The following MORN5 variants were observed in gnomAD, a reference collection of about 807,000 sequenced individuals.
The protein encoded by MORN5 is MORN repeat-containing protein 5.
A neutral mutation model predicts 22.1 loss-of-function variants in MORN5; 21 were observed. The observed-to-expected ratio is 0.95, with a 90% CI of 0.67 to 1.37. The LOEUF is 1.37. Among genes scored for constraint, MORN5 ranks in the 40% most tolerant of loss-of-function variants. MORN5 has a pLI of 0.00. For synonymous variants in MORN5, 73 were observed against 74.0 expected, an observed-to-expected ratio of 0.99 and a Z score of 0.07; for missense variants, 211 against 215.1, an observed-to-expected ratio of 0.98 and a Z score of 0.12.
rs7466389 is a variant in MORN5, at chr9:122,166,882, C to G, written c.162C>G (p.Tyr54Ter). The change falls in exon 2 of 5, where the codon TAC becomes TAG. Residue 54 changes from tyrosine to a stop codon, truncating the protein, a stop_gained. Transcript: ENST00000373764. LOFTEE classifies it high-confidence loss of function. Reference protein sequence around the residue: ...GTLYFPSGSQYDAIWENGLAI... With the variant: ...GTLYFPSGSQ ...TGTACTTCCCCAGCGGAAGCCAATA[C>G]GACGCCATTTGGGAAAACGGATTGG... 1.2e-6 allele frequency: 2 copies of G among 1,613,746 alleles called. No individual in the cohort carries two copies. The highest frequency in any genetic ancestry group is 2.2e-5 in the East Asian group (1 of 44,854).
At chr9:122,196,383 G>C (rs1227959253) in intron 4 of MORN5, among the ~76,000 whole-genome samples, 2 of 150,092 alleles carry the variant, frequency 1.3e-5, no homozygotes, top group African/African-American at 4.9e-5. Context: ...CACCATGCTG[G>C]AGGGCAGTGG....
chr9:122,176,117 CA>C (rs747126842), intron 4 of MORN5, among the ~76,000 whole-genome samples: 152 of 51,380 alleles, frequency 3.0e-3, no homozygotes, highest in Middle Eastern at 9.4e-3. Flanking sequence ...GACTCCGTCT[CA>C]AAAAAAAAAA....
At chr9:122,166,191 T>C (rs1449745565) in intron 1 of MORN5, among the ~76,000 whole-genome samples, 4 of 151,794 alleles carry the variant, frequency 2.6e-5, no homozygotes, top group Non-Finnish European at 5.9e-5. Context: ...TCCCACTGAG[T>C]CCCTCCCATG....
intron 4 of MORN5, 151 bp downstream of exon 4, chr9:122,174,778 G>A (rs1588305153): frequency 1.3e-6 from 2 of 1,529,634 alleles, no homozygotes; most frequent in Non-Finnish European, 1.8e-6. Context: ...TTATTTTTTG[G>A]ACTTCTCGTG....
At chr9:122,167,016 T>G in intron 2 of MORN5, 101 bp downstream of exon 2, 1 of 1,145,386 alleles carries the variant, frequency 8.7e-7, no homozygotes, top group Non-Finnish European at 1.2e-6. Flanking sequence ...CCCACCTTGT[T>G]CCATTCACTC....
At chr9:122,188,623 G>A (rs1829694129) in intron 4 of MORN5, among the ~76,000 whole-genome samples, 1 of 152,240 alleles carries the variant, frequency 6.6e-6, no homozygotes, top group Admixed American at 6.5e-5. Context: ...GAGTGACCTT[G>A]GCCATGGCAC....
intron 2 of MORN5, among the ~76,000 whole-genome samples, chr9:122,169,245 C>G (rs1048126240): frequency 1.1e-4 from 17 of 152,194 alleles, no homozygotes; most frequent in Non-Finnish European, 1.8e-4. Context: ...TCTGGGCATC[C>G]CTTTCACTTA....
At chr9:122,180,995 A>G (rs960222210) in intron 4 of MORN5, among the ~76,000 whole-genome samples, 1 of 152,252 alleles carries the variant, frequency 6.6e-6, no homozygotes, top group African/African-American at 2.4e-5. Flanking sequence ...GGTCCCTCGT[A>G]TTGTTCAACT....
chr9:122,191,885 G>T (rs780665366), intron 4 of MORN5, among the ~76,000 whole-genome samples: 25 of 152,226 alleles, frequency 1.6e-4, no homozygotes, highest in Non-Finnish European at 2.5e-4. Context: ...CTCCATCCTG[G>T]CAGGGAACCA....
intron 3 of MORN5, among the ~76,000 whole-genome samples, chr9:122,171,723 C>T (rs1294999227): frequency 6.6e-6 from 1 of 152,074 alleles, no homozygotes; most frequent in Non-Finnish European, 1.5e-5. Context: ...TCCCCTGCCC[C>T]CTAAGTGCAA....
chr9:122,175,473 T>G, intron 4 of MORN5: 1 of 985,368 alleles, frequency 1.0e-6, no homozygotes, highest in Non-Finnish European at 1.2e-6. Flanking sequence ...ATAGAACATT[T>G]TCCTTTAATG....
chr9:122,174,773 T>G, intron 4 of MORN5, 146 bp downstream of exon 4: 1 of 1,552,222 alleles, frequency 6.4e-7, no homozygotes, highest in South Asian at 1.2e-5. Flanking sequence ...ATGTTTTATT[T>G]TTTGGACTTC....
intron 4 of MORN5, among the ~76,000 whole-genome samples, chr9:122,176,926 G>C (rs1829460450): frequency 1.3e-5 from 2 of 152,170 alleles, no homozygotes; most frequent in African/African-American, 4.8e-5. Flanking sequence ...GAAATTGATG[G>C]CTACCAGGGA....
intron 4 of MORN5, among the ~76,000 whole-genome samples, chr9:122,193,176 CA>C (rs1424645862): frequency 6.6e-6 from 1 of 152,160 alleles, no homozygotes; most frequent in Non-Finnish European, 1.5e-5. Flanking sequence ...TCAGACAACT[CA>C]AAATTCACAC....
chr9:122,193,138 C>G (rs1829808123), intron 4 of MORN5, among the ~76,000 whole-genome samples: 1 of 152,120 alleles, frequency 6.6e-6, no homozygotes, highest in Admixed American at 6.5e-5. Context: ...TTCATGGGGC[C>G]TTTAAGTATG....
At chr9:122,181,182 C>T (rs1220129436) in intron 4 of MORN5, among the ~76,000 whole-genome samples, 2 of 152,218 alleles carry the variant, frequency 1.3e-5, no homozygotes, top group African/African-American at 2.4e-5. Flanking sequence ...TTGGTTGGTC[C>T]AATTCTTGAA....
At position 122,193,367 on chromosome 9, in the gene MORN5, G is replaced by A. The variant is rs576959652; in HGVS notation, c.440-6518G>A. ...TGTGGGAAGCCAAGGCGGGTGGATC[G>A]TGAGGTCAAGAGATCGAGAACATCC... is the stretch of plus-strand genomic sequence containing the variant. On this transcript the variant is annotated intron_variant, in intron 4 of 4. Coordinates refer to ENST00000373764, the MANE Select transcript of MORN5 (RefSeq NM_198469.4). Among the ~76,000 whole-genome samples the A allele has an allele frequency of 2.2e-3, 330 of 152,330 alleles. 2 individuals carry two copies. Among genetic ancestry groups the A allele is most frequent in the African/African-American group, 7.4e-3 (307 of 41,580 alleles).
intron 4 of MORN5, among the ~76,000 whole-genome samples, chr9:122,184,675 T>C (rs895251053): frequency 2.0e-5 from 3 of 152,226 alleles, no homozygotes; most frequent in African/African-American, 4.8e-5. Flanking sequence ...GCCCTTTACA[T>C]ATATTTTATT....
At chr9:122,174,364 A>G in intron 3 of MORN5, 132 bp from the exon 4 acceptor site, 1 of 995,822 alleles carries the variant, frequency 1.0e-6, no homozygotes. Flanking sequence ...TCTTGCCCTG[A>G]GTAGGGGGTA....
Sources: gnomAD v4.1 joint callset for allele counts (sites outside exome capture counted in the v4.1 genomes callset) on GRCh38, gnomAD v4.1.1 for gene constraint, MANE v1.5 for transcripts, NCBI Gene and HGNC (gene_info 2026-07-23, HGNC 2026-07-21) for gene names.